The following PPARGC1B variants were observed in gnomAD, a reference collection of about 807,000 sequenced individuals.
PPARGC1B encodes peroxisome proliferator-activated receptor gamma coactivator 1-beta.
PPARGC1B carries 34 observed loss-of-function variants against 101.6 expected under a neutral mutation model. The observed-to-expected ratio is 0.33, with a 90% CI of 0.25 to 0.45. The LOEUF is 0.45. PPARGC1B is among the 20% of genes least tolerant of loss of function. The pLI, the probability that PPARGC1B is intolerant of heterozygous loss-of-function variation, is 1.00. For synonymous variants in PPARGC1B, 548 were observed against 539.3 expected (o/e 1.02, Z -0.22); for missense variants, 1,234 against 1,317.6 (o/e 0.94, Z 0.98).
chr5:149,841,323 A>G (rs1448376534), intron 9 of PPARGC1B, among the ~76,000 whole-genome samples: 1 of 152,132 alleles, frequency 6.6e-6, no homozygotes, highest in Non-Finnish European at 1.5e-5. Context: ...TATGAATTCA[A>G]GAAGCTGCAA....
Position 149,847,783 on chromosome 5 carries a change from C to T in PPARGC1B, c.*225C>T. ...TTTCCATGGTGTTGACGTTCCACTG[C>T]CACATTAGTGTCCTCGCTTCCAACG... On this transcript the variant is annotated 3_prime_UTR_variant, in exon 12 of 12. Transcript: ENST00000309241. 1 of 546,126 alleles carries T rather than the reference C, an allele frequency of 1.8e-6. No homozygotes were observed. Among genetic ancestry groups the T allele is most frequent in the Non-Finnish European group, 3.3e-6 (1 of 306,486 alleles). 33.8% of individuals were successfully genotyped at this position (546,126 alleles called of 1,614,324 possible).
At chr5:149,801,003 T>C (rs1442314698) in intron 1 of PPARGC1B, among the ~76,000 whole-genome samples, 1 of 152,186 alleles carries the variant, frequency 6.6e-6, no homozygotes, top group Non-Finnish European at 1.5e-5. Flanking sequence ...CTATGGGTCA[T>C]GGACATATGG....
At position 149,784,710 on chromosome 5, in the gene PPARGC1B, G is replaced by T. The variant is rs550544825; in HGVS notation, c.79-35723G>T. On this transcript the variant is annotated intron_variant, in intron 1 of 11. Coordinates refer to ENST00000309241, the MANE Select transcript of PPARGC1B (RefSeq NM_133263.4). Reference sequence around the variant, plus strand: ...AGCCTCCCGAGTAGCTGGGACTACAGGCGCCCGCCACCACGCCCGGCTAAT... The same window carrying T: ...AGCCTCCCGAGTAGCTGGGACTACATGCGCCCGCCACCACGCCCGGCTAAT... Among the ~76,000 whole-genome samples, 334 of 152,054 alleles carry T rather than the reference G, an allele frequency of 2.2e-3. 1 individual carries two copies. Among genetic ancestry groups the T allele is most frequent in the African/African-American group, 7.5e-3 (312 of 41,490 alleles).
intron 1 of PPARGC1B, among the ~76,000 whole-genome samples, chr5:149,734,982 A>G (rs1296703872): frequency 6.6e-6 from 1 of 152,226 alleles, no homozygotes; most frequent in Admixed American, 6.5e-5. Context: ...CCCCTGCCAC[A>G]TGGAGAACTG....
At chr5:149,799,693 G>GTTGTTGTTGTTTTTTTTTTTTTTTTTTT (rs752427488) in intron 1 of PPARGC1B, among the ~76,000 whole-genome samples, 2 of 76,480 alleles carry the variant, frequency 2.6e-5, no homozygotes, top group African/African-American at 1.1e-4. Flanking sequence ...GCTTGTTGTT[G>GTTGTTGTTGTTTTTTTTTTTTTTTTTTT]TTTTTTTTTT....
At chr5:149,855,842 C>A (rs562107295), downstream of PPARGC1B, among the ~76,000 whole-genome samples, 1 of 152,152 alleles carries the variant, frequency 6.6e-6, no homozygotes, top group South Asian at 2.1e-4. Flanking sequence ...ACAGGCTGGG[C>A]GCGGTGGCTC....
chr5:149,802,065 G>A (rs1439962738), intron 1 of PPARGC1B, among the ~76,000 whole-genome samples: 1 of 152,136 alleles, frequency 6.6e-6, no homozygotes, highest in Admixed American at 6.5e-5. Context: ...CCTGACCCCC[G>A]AGCTCCTCTG....
At chr5:149,732,136 C>G (rs1004230953) in intron 1 of PPARGC1B, among the ~76,000 whole-genome samples, 4 of 152,106 alleles carry the variant, frequency 2.6e-5, no homozygotes, top group African/African-American at 9.7e-5. Context: ...CGGTGGAGCT[C>G]CCGCCGTCGT....
At chr5:149,754,357 G>T (rs1043920864) in intron 1 of PPARGC1B, among the ~76,000 whole-genome samples, 4 of 152,126 alleles carry the variant, frequency 2.6e-5, no homozygotes, top group African/African-American at 9.7e-5. Context: ...ATGCCTCCTG[G>T]GCTAGGGTCA....
At chr5:149,825,781 A>C (rs1053859551) in intron 2 of PPARGC1B, among the ~76,000 whole-genome samples, 2 of 152,142 alleles carry the variant, frequency 1.3e-5, no homozygotes, top group African/African-American at 4.8e-5. Flanking sequence ...GGGAAGGGGA[A>C]GGAAGGGAGC....
In PPARGC1B at chr5:149,752,054, T is replaced by C. The variant is rs376738564; in HGVS notation, c.78+21634T>C. 1.3e-4 allele frequency among the ~76,000 whole-genome samples: 20 copies of C among 152,368 alleles called. No individual in the cohort carries two copies. In the East Asian group the frequency reaches 1.9e-3, roughly 15 times the overall value. On this transcript the variant is annotated intron_variant, in intron 1 of 11. Coordinates refer to ENST00000309241, the MANE Select transcript of PPARGC1B (RefSeq NM_133263.4). The stretch of plus-strand genomic sequence containing the variant: ...GTAAGGCTATGTTGCTACTTCCCTG[T>C]GCATGTGCCTACCACAGCTGCTGAT...
intron 11 of PPARGC1B, chr5:149,846,203 C>A (rs926243604): frequency 3.5e-6 from 2 of 570,472 alleles, no homozygotes; most frequent in Non-Finnish European, 6.2e-6. Context: ...CTGGCAGAAC[C>A]GTGGCTACGG....
chr5:149,740,805 A>G (rs1754879382), intron 1 of PPARGC1B, among the ~76,000 whole-genome samples: 1 of 152,248 alleles, frequency 6.6e-6, no homozygotes, highest in Non-Finnish European at 1.5e-5. Context: ...TTGCAGCTTC[A>G]CCTGACATAT....
At chr5:149,810,676 G>A (rs745793987) in intron 1 of PPARGC1B, among the ~76,000 whole-genome samples, 1 of 152,220 alleles carries the variant, frequency 6.6e-6, no homozygotes, top group Admixed American at 6.5e-5. Context: ...AGAACTTTTG[G>A]TGGATGGGCC....
Position 149,840,032 on chromosome 5 carries a change from C to T in PPARGC1B, c.2619-9C>T, listed in dbSNP as rs369031781. The stretch of plus-strand genomic sequence containing the variant: ...AGTGAGTGCCTCTGCTTTGCTTGTT[C>T]ACTGACAGATGTGAGAGCAGAGGGC... On this transcript the variant is annotated splice_polypyrimidine_tract_variant and intron_variant, in intron 8 of 11. Coordinates refer to ENST00000309241, the MANE Select transcript of PPARGC1B (RefSeq NM_133263.4). The T allele has an allele frequency of 1.9e-6, 3 of 1,613,926 alleles. No individual in the cohort carries two copies. The highest frequency in any genetic ancestry group is 2.5e-6 in the Non-Finnish European group (3 of 1,179,962).
intron 1 of PPARGC1B, among the ~76,000 whole-genome samples, chr5:149,784,116 G>T (rs1017901716): frequency 6.6e-6 from 1 of 151,912 alleles, no homozygotes; most frequent in African/African-American, 2.4e-5. Context: ...CCCAACCCCA[G>T]CCCTATTTCC....
At chr5:149,738,560 A>G (rs1402745854) in intron 1 of PPARGC1B, among the ~76,000 whole-genome samples, 1 of 151,410 alleles carries the variant, frequency 6.6e-6, no homozygotes, top group Non-Finnish European at 1.5e-5. Flanking sequence ...TTCATAGCCT[A>G]CCTGAACTTT....
At chr5:149,826,114 T>C (rs1260839409) in intron 2 of PPARGC1B, among the ~76,000 whole-genome samples, 1 of 151,952 alleles carries the variant, frequency 6.6e-6, no homozygotes, top group East Asian at 1.9e-4. Context: ...AGAGCCCGAG[T>C]GTCTAATCAC....
At chr5:149,834,078 A>G (rs1561615668) in intron 5 of PPARGC1B, among the ~76,000 whole-genome samples, 1 of 152,246 alleles carries the variant, frequency 6.6e-6, no homozygotes, top group African/African-American at 2.4e-5. Context: ...CAAAATTGCA[A>G]TAGGTACTGT....
Sources: gnomAD v4.1 joint callset for allele counts (sites outside exome capture counted in the v4.1 genomes callset) on GRCh38, gnomAD v4.1.1 for gene constraint, MANE v1.5 for transcripts, NCBI Gene and HGNC (gene_info 2026-07-23, HGNC 2026-07-21) for gene names.